The following PCDH15 variants were observed in gnomAD, a reference collection of about 807,000 sequenced individuals.
PCDH15 encodes protocadherin-15.
PCDH15 carries 129 observed loss-of-function variants against 178.5 expected under a neutral mutation model. That is an observed-to-expected ratio of 0.72 (90% CI 0.63 to 0.84). The LOEUF (loss-of-function observed/expected upper bound fraction) is 0.84. Ranked by LOEUF, PCDH15 falls within the 40% of genes least tolerant of loss-of-function variation. The pLI is 0.00. For missense variants in PCDH15, 2,230 were observed against 2,099.9 expected (o/e 1.06, Z -1.21); for synonymous variants, 800 against 732.0 (o/e 1.09, Z -1.50).
At chr10:55,068,886 T>C (rs1591875369) in intron 2 of PCDH15, among the ~76,000 whole-genome samples, 1 of 152,028 alleles carries the variant, frequency 6.6e-6, no homozygotes, top group East Asian at 1.9e-4. Context: ...AATTGCCTTC[T>C]CTGCTCCTTT....
chr10:54,150,413 C>T (rs887891710), intron 14 of PCDH15, among the ~76,000 whole-genome samples: 2 of 151,902 alleles, frequency 1.3e-5, no homozygotes, highest in African/African-American at 2.4e-5. Flanking sequence ...AGTTTGATCT[C>T]GTAAGATTCT....
intron 1 of PCDH15, among the ~76,000 whole-genome samples, chr10:55,264,521 G>C (rs1248974984): frequency 6.6e-6 from 1 of 152,164 alleles, no homozygotes; most frequent in African/African-American, 2.4e-5. Context: ...AGGCCTCAGG[G>C]ATGCCAGGTG....
chr10:55,450,262 C>T (rs1839405377), intron 2 of PCDH15, among the ~76,000 whole-genome samples: 1 of 151,890 alleles, frequency 6.6e-6, no homozygotes, highest in Non-Finnish European at 1.5e-5. Flanking sequence ...TTCCCAGGCT[C>T]GTTTATACAT....
At chr10:54,106,341 C>T (rs1206104559) in intron 15 of PCDH15, among the ~76,000 whole-genome samples, 2 of 152,182 alleles carry the variant, frequency 1.3e-5, no homozygotes, top group African/African-American at 2.4e-5. Context: ...GGAGTTAGCA[C>T]AGCTTCCTTG....
chr10:55,587,658 TAA>T (rs1284712809), intron 2 of PCDH15, among the ~76,000 whole-genome samples: 4 of 152,206 alleles, frequency 2.6e-5, no homozygotes, highest in Non-Finnish European at 4.4e-5. Context: ...TTCTCAGATA[TAA>T]TAACTTTAAA....
chr10:53,815,759 C>A (rs887240785), intron 35 of PCDH15, among the ~76,000 whole-genome samples: 41 of 151,570 alleles, frequency 2.7e-4, no homozygotes, highest in Non-Finnish European at 5.9e-4. Context: ...CAAAAAATAT[C>A]TTTTTCACAT....
intron 1 of PCDH15, among the ~76,000 whole-genome samples, chr10:55,211,897 G>T (rs375608330): frequency 1.3e-5 from 2 of 152,158 alleles, no homozygotes; most frequent in African/African-American, 4.8e-5. Flanking sequence ...AGGTAAAAGA[G>T]TCCTTGGCAG....
At chr10:55,596,572 AAGAT>A (rs1440041882) in intron 2 of PCDH15, among the ~76,000 whole-genome samples, 9 of 152,278 alleles carry the variant, frequency 5.9e-5, no homozygotes, top group Non-Finnish European at 1.2e-4. Flanking sequence ...AATATAATAA[AAGAT>A]AGAAAATCAC....
intron 3 of PCDH15, among the ~76,000 whole-genome samples, chr10:54,394,426 C>T (rs1233497748): frequency 1.3e-5 from 2 of 151,652 alleles, no homozygotes; most frequent in East Asian, 1.9e-4. Context: ...CATGTCGGTA[C>T]GTTCCGTGAT....
At chr10:55,497,422 G>A (rs958004662) in intron 2 of PCDH15, among the ~76,000 whole-genome samples, 1 of 151,716 alleles carries the variant, frequency 6.6e-6, no homozygotes. Flanking sequence ...CAGCCACCGC[G>A]TCTGGCTGAA....
intron 2 of PCDH15, among the ~76,000 whole-genome samples, chr10:55,586,754 C>G (rs1240231825): frequency 6.6e-6 from 1 of 152,060 alleles, no homozygotes; most frequent in Non-Finnish European, 1.5e-5. Context: ...CCATTATTAA[C>G]AGGCTATATT....
intron 2 of PCDH15, among the ~76,000 whole-genome samples, chr10:54,539,857 C>T (rs2132940173): frequency 6.6e-6 from 1 of 152,282 alleles, no homozygotes; most frequent in Admixed American, 6.5e-5. Context: ...AAGAATATCT[C>T]TCAAAAACAC....
At chr10:54,029,859 G>C (rs2093240301) in intron 18 of PCDH15, among the ~76,000 whole-genome samples, 1 of 152,036 alleles carries the variant, frequency 6.6e-6, no homozygotes, top group East Asian at 1.9e-4. Flanking sequence ...GCTACCCTGG[G>C]GGTTACCAGT....
chr10:55,515,591 T>C (rs1185126710), intron 2 of PCDH15, among the ~76,000 whole-genome samples: 2 of 152,106 alleles, frequency 1.3e-5, no homozygotes, highest in African/African-American at 2.4e-5. Flanking sequence ...GTTATGAAAT[T>C]CACAATTTAA....
At chr10:54,109,072 T>C (rs907015963) in intron 15 of PCDH15, among the ~76,000 whole-genome samples, 19 of 152,158 alleles carry the variant, frequency 1.2e-4, no homozygotes, top group Non-Finnish European at 1.5e-5. Context: ...TGAGACTCAG[T>C]CCAGCTGTGG....
chr10:54,348,727 A>G (rs1039188459), intron 5 of PCDH15, among the ~76,000 whole-genome samples: 2 of 152,162 alleles, frequency 1.3e-5, no homozygotes, highest in Admixed American at 1.3e-4. Context: ...ATTTTCAAAA[A>G]TAGATAGTTA....
At chr10:53,952,133 G>GCTTCT (rs1409893303) in intron 23 of PCDH15, among the ~76,000 whole-genome samples, 1 of 152,172 alleles carries the variant, frequency 6.6e-6, no homozygotes, top group East Asian at 1.9e-4. Context: ...GGGCCACTTC[G>GCTTCT]CTTCTCTTCT....
At chr10:54,951,213 C>G (rs1446149797) in intron 2 of PCDH15, among the ~76,000 whole-genome samples, 1 of 151,850 alleles carries the variant, frequency 6.6e-6, no homozygotes, top group East Asian at 1.9e-4. Context: ...CCCTGTGTTC[C>G]TATTCATTCC....
chr10:54,072,692 A>G (rs141565120), intron 17 of PCDH15, among the ~76,000 whole-genome samples: 35 of 152,258 alleles, frequency 2.3e-4, no homozygotes, highest in Non-Finnish European at 4.0e-4. Context: ...TTTGGGTGAA[A>G]TAATCACAGT....
Sources: gnomAD v4.1 joint callset for allele counts (sites outside exome capture counted in the v4.1 genomes callset) on GRCh38, gnomAD v4.1.1 for gene constraint, MANE v1.5 for transcripts, NCBI Gene and HGNC (gene_info 2026-07-23, HGNC 2026-07-21) for gene names.